ZNF8: variants seen among roughly 807,000 people sequenced by gnomAD.
The protein encoded by ZNF8 is zinc finger protein 272.
In ZNF8, 9 loss-of-function variants were observed where a neutral mutation model predicts 12.2. The observed-to-expected ratio is 0.73, with a 90% CI of 0.44 to 1.28. The LOEUF (loss-of-function observed/expected upper bound fraction) is 1.28. ZNF8 is among the 50% of genes most tolerant of loss of function. The pLI is 0.00. For synonymous variants in ZNF8, 274 were observed against 282.3 expected, an observed-to-expected ratio of 0.97 and a Z score of 0.30; for missense variants, 664 against 729.1, an observed-to-expected ratio of 0.91 and a Z score of 1.03.
In ZNF8 at chr19:58,298,079, G is replaced by C. The variant is rs1343364935; in HGVS notation, c.*2543G>C. ...GAGTCTCGCTCTGTCGCCCAGGCTG[G>C]AGTGCAATGGCGTGATCTCGGCTCA... On this transcript the variant is annotated 3_prime_UTR_variant, in exon 4 of 4. Transcript: ENST00000621650. The C allele has an allele frequency of 6.6e-6, 1 of 151,648 alleles. No homozygotes were observed. Among genetic ancestry groups the C allele is most frequent in the Non-Finnish European group, 1.5e-5 (1 of 67,950 alleles). The allele number at this position is 151,648 out of a possible 1,614,324, so 9.4% of individuals were successfully genotyped here.
intron 3 of ZNF8, 134 bp from the exon 4 acceptor site, chr19:58,293,963 TA>T: frequency 1.3e-6 from 1 of 760,398 alleles, no homozygotes. Flanking sequence ...GATGTTAAAA[TA>T]AGAGGAGAAT....
chr19:58,294,513 C>A lies in ZNF8; in HGVS notation c.705C>A (p.His235Gln), dbSNP rs140214596. The change falls in exon 4 of 4, where the codon CAC (histidine) becomes CAA (glutamine). Residue 235 changes from histidine (H) to glutamine (Q), a missense_variant. Physicochemically the swap from His to Gln is conservative, Grantham distance 24. This residue lies in a region of ZNF8 where 306 missense variants were observed against 308.7 expected (regional missense o/e 0.99). Coordinates refer to ENST00000621650, the MANE Select transcript of ZNF8 (RefSeq NM_021089.3). The surrounding 1 kb of genome is among the most constrained non-coding windows in gnomAD (Gnocchi z 5.5). ...GKQPGENSDC[H>Q]RDSSQAIPIT... is the part of the protein sequence containing the mutation. ...AGCCCGGTGAAAACAGTGACTGTCACAGAGATTCCAGTCAGGCCATTCCAA... is the reference window on the plus strand; with the variant it reads ...AGCCCGGTGAAAACAGTGACTGTCAAAGAGATTCCAGTCAGGCCATTCCAA... 6.2e-7 allele frequency: 1 copy of A among 1,614,188 alleles called. No individual in the cohort carries two copies. The highest frequency in any genetic ancestry group is 8.5e-7 in the Non-Finnish European group (1 of 1,180,038).
chr19:58,282,052 G>A (rs141664438), intron 1 of ZNF8, among the ~76,000 whole-genome samples: 6 of 152,280 alleles, frequency 3.9e-5, no homozygotes, highest in Admixed American at 1.3e-4. Flanking sequence ...GATGGAGGTC[G>A]CAGTGAACCG....
In ZNF8 at chr19:58,294,800, A is replaced by G; in HGVS notation, c.992A>G (p.His331Arg). 1.2e-6 allele frequency: 2 copies of G among 1,614,218 alleles called. No homozygotes were observed. Among genetic ancestry groups the G allele is most frequent in the Non-Finnish European group, 1.7e-6 (2 of 1,180,042 alleles). Residue 331 changes from histidine to arginine, a missense_variant, in exon 4 of 4, where the codon CAT (histidine) becomes CGT (arginine). His to Arg is a conservative substitution (Grantham distance 29). Coordinates refer to ENST00000621650, the MANE Select transcript of ZNF8 (RefSeq NM_021089.3). This position sits in a 1 kb window ranked among gnomAD's most constrained non-coding sequence, Gnocchi z 5.5. ...SFCHSTHLTV[H>R]RRIHTGEKPY... is the part of the protein sequence containing the mutation. Reference sequence around the variant, plus strand: ...TGCCATAGTACACACCTTACCGTCCATCGGAGGATTCACACTGGGGAGAAG... The same window carrying G: ...TGCCATAGTACACACCTTACCGTCCGTCGGAGGATTCACACTGGGGAGAAG...
rs1372566334 is a variant in ZNF8 at position 58,299,894 on chromosome 19, C to T, written c.*4358C>T. ...CCAGAGCCAGAGCTTTGTGGTTCAT[C>T]TCTAGAGGTTCAACAGGACCCTGTG... is the stretch of plus-strand genomic sequence containing the variant. On this transcript the variant is annotated 3_prime_UTR_variant, in exon 4 of 4. Coordinates refer to ENST00000621650, the MANE Select transcript of ZNF8 (RefSeq NM_021089.3). 1.3e-5 allele frequency: 2 copies of T among 152,224 alleles called. No homozygotes were observed. The highest frequency in any genetic ancestry group is 2.9e-5 in the Non-Finnish European group (2 of 68,070). The allele number at this position is 152,224 out of a possible 1,614,324, so 9.4% of individuals were successfully genotyped here. A position where few individuals can be genotyped will look rare whatever the true frequency, so the allele number is the denominator to read the frequency against.
At chr19:58,287,355 T>TTTG (rs2051390064) in intron 3 of ZNF8, among the ~76,000 whole-genome samples, 1 of 149,640 alleles carries the variant, frequency 6.7e-6, no homozygotes, top group African/African-American at 2.5e-5. Context: ...TTTTTTTTTT[T>TTTG]GAGACCGTCT....
intron 3 of ZNF8, among the ~76,000 whole-genome samples, chr19:58,290,621 A>G (rs1193381442): frequency 6.6e-6 from 1 of 152,146 alleles, no homozygotes; most frequent in Non-Finnish European, 1.5e-5. Context: ...ATTACCTGGC[A>G]TGGTGGTGTG....
chr19:58,284,276 CAG>C (rs2051369358), intron 1 of ZNF8, among the ~76,000 whole-genome samples: 1 of 152,144 alleles, frequency 6.6e-6, no homozygotes, highest in Admixed American at 6.5e-5. Flanking sequence ...GTTACAGCAA[CAG>C]AAAATATGCT....
At position 58,279,850 on chromosome 19, in the gene ZNF8, TC is replaced by T. The variant is rs375586660; in HGVS notation, c.66+705del. On this transcript the variant is annotated intron_variant, in intron 1 of 3. Coordinates refer to ENST00000621650, the MANE Select transcript of ZNF8 (RefSeq NM_021089.3). Reference sequence around the variant, plus strand: ...GGCAGGAAACAACAATAATTATCCTTCCTCAAGCTCTGCAACTTTGAAATTA... The same window carrying T: ...GGCAGGAAACAACAATAATTATCCTTCTCAAGCTCTGCAACTTTGAAATTA... 3.4e-4 allele frequency: 452 copies of T among 1,314,252 alleles called. 6 individuals carry two copies. In the East Asian group the frequency reaches 0.015, roughly 43 times the overall value. 81.4% of individuals were successfully genotyped at this position (1,314,252 alleles called of 1,614,324 possible).
rs3745137 is a variant in ZNF8 at position 58,294,417 on chromosome 19, C to T, written c.609C>T (p.Tyr203=). ...EISRGEYLYT[Y]DSQITDSEHN... is the part of the protein sequence containing the mutation. ...CTAGAGGGGAGTATTTGTATACTTACGACTCACAGATTACAGACTCAGAAC... is the reference window on the plus strand; with the variant it reads ...CTAGAGGGGAGTATTTGTATACTTATGACTCACAGATTACAGACTCAGAAC... The change falls in exon 4 of 4, where the codon TAC becomes TAT. Residue 203 remains tyrosine (Y), a synonymous_variant. Coordinates refer to ENST00000621650, the MANE Select transcript of ZNF8 (RefSeq NM_021089.3). This position sits in a 1 kb window ranked among gnomAD's most constrained non-coding sequence, Gnocchi z 5.5. The T allele has an allele frequency of 8.1e-3, 13,084 of 1,614,044 alleles. 319 individuals carry two copies. In the East Asian group the frequency reaches 0.084, roughly 10 times the overall value.
At chr19:58,285,623 C>T (rs1458874986) in intron 1 of ZNF8, 94 bp from the exon 2 acceptor site, 2 of 1,583,456 alleles carry the variant, frequency 1.3e-6, no homozygotes, top group Admixed American at 3.3e-5. Flanking sequence ...TCTCGTGACA[C>T]AGGCCTGCCT....
At chr19:58,291,374 C>T (rs2051418600) in intron 3 of ZNF8, among the ~76,000 whole-genome samples, 1 of 152,220 alleles carries the variant, frequency 6.6e-6, no homozygotes, top group South Asian at 2.1e-4. Context: ...CTGTCTCAAC[C>T]TCAGTGCTCT....
At chr19:58,285,553 G>A (rs1438466252) in intron 1 of ZNF8, among the ~76,000 whole-genome samples, 164 bp from the exon 2 acceptor site, 1 of 152,198 alleles carries the variant, frequency 6.6e-6, no homozygotes, top group African/African-American at 2.4e-5. Flanking sequence ...CCACACCTAT[G>A]TGTAGTGGCC....
rs904045439 is a variant in ZNF8 at position 58,295,163 on chromosome 19, C to T, written c.1355C>T (p.Pro452Leu). 23 of 1,614,060 alleles carry T rather than the reference C, an allele frequency of 1.4e-5. No homozygotes were observed. The highest frequency in any genetic ancestry group is 1.9e-5 in the Non-Finnish European group (23 of 1,180,042). Residue 452 changes from proline (P) to leucine (L), a missense_variant, in exon 4 of 4, where the codon CCA becomes CTA. Pro to Leu is a moderately conservative substitution (Grantham distance 98). Transcript: ENST00000621650. ...HEWTEALGCD[P>L]PLSQDERTHR... ...TGGACAGAAGCCCTGGGCTGTGACCCACCTTTGAGTCAAGATGAGAGGACT... is the reference window on the plus strand; with the variant it reads ...TGGACAGAAGCCCTGGGCTGTGACCTACCTTTGAGTCAAGATGAGAGGACT...
At chr19:58,279,848 C>T (rs775210526) in intron 1 of ZNF8, 7 of 1,321,718 alleles carry the variant, frequency 5.3e-6, no homozygotes, top group Non-Finnish European at 5.9e-6. Flanking sequence ...AATAATTATC[C>T]TTCCTCAAGC....
rs202196557 is a variant in ZNF8, at chr19:58,294,492, C to T, written c.684C>T (p.Pro228=). The change falls in exon 4 of 4, where the codon CCC becomes CCT. Residue 228 remains proline, a synonymous_variant. Transcript: ENST00000621650. This position sits in a 1 kb window ranked among gnomAD's most constrained non-coding sequence, Gnocchi z 5.5. ...AGACAGGCTCCCCAGGAAAACAGCC[C>T]GGTGAAAACAGTGACTGTCACAGAG... ...SQQTGSPGKQ[P]GENSDCHRDS... 8.1e-5 allele frequency: 131 copies of T among 1,614,150 alleles called. No individual in the cohort carries two copies. In the East Asian group the frequency reaches 1.3e-3, roughly 16 times the overall value.
At chr19:58,281,392 G>T (rs1401397850) in intron 1 of ZNF8, among the ~76,000 whole-genome samples, 1 of 152,174 alleles carries the variant, frequency 6.6e-6, no homozygotes, top group African/African-American at 2.4e-5. Context: ...CAAGAGGGAA[G>T]GCTGCAGGGA....
In ZNF8 at chr19:58,294,212, C is replaced by G. The variant is rs1326629719; in HGVS notation, c.404C>G (p.Thr135Ser). ...TTCCCGACAGATGCTCCTTATCCCA[C>G]CACGTTAGGGAAAGACAGGGAGTGT... The part of the protein sequence containing the change: ...EGFPTDAPYP[T>S]TLGKDRECQS... Residue 135 changes from threonine (T) to serine (S), a missense_variant, in exon 4 of 4, where the codon ACC becomes AGC. By Grantham distance (58) the Thr-to-Ser change is moderately conservative. Transcript: ENST00000621650. This position sits in a 1 kb window ranked among gnomAD's most constrained non-coding sequence, Gnocchi z 5.5. The G allele has an allele frequency of 6.2e-7, 1 of 1,614,072 alleles. No individual in the cohort carries two copies. Among genetic ancestry groups the G allele is most frequent in the African/African-American group, 1.3e-5 (1 of 74,914 alleles).
chr19:58,298,087 T>C lies in ZNF8; in HGVS notation c.*2551T>C, dbSNP rs2051467254. On this transcript the variant is annotated 3_prime_UTR_variant, in exon 4 of 4. Transcript: ENST00000621650. ...CTCTGTCGCCCAGGCTGGAGTGCAA[T>C]GGCGTGATCTCGGCTCACTGCAACC... The C allele has an allele frequency of 6.6e-6, 1 of 151,752 alleles. No individual in the cohort carries two copies. The allele number at this position is 151,752 out of a possible 1,614,324, so 9.4% of individuals were successfully genotyped here.
Sources: allele counts gnomAD v4.1 joint callset (sites outside exome capture counted in the v4.1 genomes callset), GRCh38; gene constraint gnomAD v4.1.1; regional missense constraint gnomAD v4.1.1; non-coding constraint Gnocchi (gnomAD v3.1); transcripts MANE v1.5; gene names NCBI Gene and HGNC (gene_info 2026-07-23, HGNC 2026-07-21).